The following SORCS3 variants were observed in gnomAD, a reference collection of about 807,000 sequenced individuals.
SORCS3 encodes the protein VPS10 domain-containing receptor SorCS3.
A neutral mutation model predicts 146.3 loss-of-function variants in SORCS3; 57 were observed. The ratio of observed to expected loss-of-function variants is 0.39; its 90% CI spans 0.31 to 0.49. The LOEUF (loss-of-function observed/expected upper bound fraction) is 0.49, where lower values mean the gene tolerates loss of function less well. SORCS3 is among the 20% of genes least tolerant of loss of function. The pLI is 0.92. For synonymous variants in SORCS3, 653 were observed against 618.5 expected, an observed-to-expected ratio of 1.06 and a Z score of -0.83; for missense variants, 1,341 against 1,575.5, an observed-to-expected ratio of 0.85 and a Z score of 2.52.
rs375200678 is a variant in SORCS3, at chr10:105,178,060, A to T, written c.1902-6A>T. The T allele has an allele frequency of 6.2e-7, 1 of 1,608,884 alleles. No homozygotes were observed. Among genetic ancestry groups the T allele is most frequent in the Non-Finnish European group, 8.5e-7 (1 of 1,175,928 alleles). On this transcript the variant is annotated splice_polypyrimidine_tract_variant and splice_region_variant and intron_variant, in intron 13 of 26. Coordinates refer to ENST00000369701, the MANE Select transcript of SORCS3 (RefSeq NM_014978.3). ...TGTCTTTTTTGTGTACTTGTTTCCA[A>T]CACAGGGTGAGTTTTGATGAGGGCC...
chr10:104,850,452 G>A (rs890675470), intron 2 of SORCS3, among the ~76,000 whole-genome samples: 4 of 152,216 alleles, frequency 2.6e-5, no homozygotes, highest in Non-Finnish European at 4.4e-5. Context: ...AGGCATGGCG[G>A]CATGTGCCTG....
intron 2 of SORCS3, among the ~76,000 whole-genome samples, chr10:104,899,596 C>G (rs2018831334): frequency 6.6e-6 from 1 of 152,142 alleles, no homozygotes; most frequent in Non-Finnish European, 1.5e-5. Flanking sequence ...TGTTGATAAC[C>G]CAGAAAATGA....
chr10:104,790,984 T>C (rs747508532), intron 1 of SORCS3, among the ~76,000 whole-genome samples: 1 of 152,232 alleles, frequency 6.6e-6, no homozygotes, highest in Non-Finnish European at 1.5e-5. Flanking sequence ...ACACTTTTTT[T>C]TCTCTCTCTA....
intron 20 of SORCS3, among the ~76,000 whole-genome samples, chr10:105,232,116 A>G (rs751280810): frequency 6.6e-6 from 1 of 152,168 alleles, no homozygotes; most frequent in Non-Finnish European, 1.5e-5. Flanking sequence ...GAAAATTGGC[A>G]TAATTTCTCC....
At position 105,201,581 on chromosome 10, in the gene SORCS3, A is replaced by G. The variant is rs531787149; in HGVS notation, c.2261+328A>G. Among the ~76,000 whole-genome samples the G allele has an allele frequency of 4.6e-5, 7 of 152,306 alleles. No homozygotes were observed. In the South Asian group the frequency reaches 1.4e-3, roughly 32 times the overall value. On this transcript the variant is annotated intron_variant, in intron 16 of 26. Coordinates refer to ENST00000369701, the MANE Select transcript of SORCS3 (RefSeq NM_014978.3). ...GGGCATTGACAGAGGTTAGAGAGCTACTGCCTTGCTGTTGCCTCCAGCCAC... is the reference window on the plus strand; with the variant it reads ...GGGCATTGACAGAGGTTAGAGAGCTGCTGCCTTGCTGTTGCCTCCAGCCAC...
intron 7 of SORCS3, among the ~76,000 whole-genome samples, chr10:105,106,269 G>A (rs1415859104): frequency 6.6e-6 from 1 of 152,144 alleles, no homozygotes; most frequent in Admixed American, 6.5e-5. Context: ...ATTCCCACAG[G>A]AAAGTTGAAC....
intron 4 of SORCS3, among the ~76,000 whole-genome samples, chr10:105,006,100 C>G (rs570143849): frequency 6.6e-6 from 1 of 152,204 alleles, no homozygotes; most frequent in Non-Finnish European, 1.5e-5. Context: ...TGCCATCACA[C>G]CCAGCTAATT....
At chr10:105,082,709 T>G (rs1288460623) in intron 5 of SORCS3, among the ~76,000 whole-genome samples, 1 of 152,180 alleles carries the variant, frequency 6.6e-6, no homozygotes, top group Non-Finnish European at 1.5e-5. Flanking sequence ...TGTGGTAGAA[T>G]TCATGATTGA....
intron 1 of SORCS3, among the ~76,000 whole-genome samples, chr10:104,835,476 G>C (rs1288156728): frequency 6.6e-6 from 1 of 152,120 alleles, no homozygotes; most frequent in Non-Finnish European, 1.5e-5. Flanking sequence ...ATTTTAGGAA[G>C]GTTTAATGAA....
intron 3 of SORCS3, among the ~76,000 whole-genome samples, chr10:104,950,827 A>G (rs1365557412): frequency 6.6e-6 from 1 of 152,232 alleles, no homozygotes; most frequent in Non-Finnish European, 1.5e-5. Context: ...GTTGATTCCT[A>G]TACACAAGAA....
intron 1 of SORCS3, among the ~76,000 whole-genome samples, chr10:104,692,587 C>T (rs1393053007): frequency 6.6e-6 from 1 of 152,170 alleles, no homozygotes; most frequent in East Asian, 1.9e-4. Context: ...TTGTCTTTGT[C>T]CAGCTTACAC....
chr10:105,071,419 T>C (rs1024237303), intron 5 of SORCS3, among the ~76,000 whole-genome samples: 1 of 152,244 alleles, frequency 6.6e-6, no homozygotes, highest in Non-Finnish European at 1.5e-5. Context: ...CCAGGTGGAC[T>C]AAGCATATTG....
chr10:105,041,793 A>T (rs2055340072), intron 4 of SORCS3, among the ~76,000 whole-genome samples: 1 of 152,092 alleles, frequency 6.6e-6, no homozygotes, highest in African/African-American at 2.4e-5. Flanking sequence ...GATATTGGGG[A>T]TGTGATCACA....
intron 4 of SORCS3, among the ~76,000 whole-genome samples, chr10:104,990,530 C>T (rs2054987113): frequency 6.6e-6 from 1 of 152,036 alleles, no homozygotes; most frequent in African/African-American, 2.4e-5. Context: ...TAGGTTTCCA[C>T]CCAGGAATTA....
intron 1 of SORCS3, among the ~76,000 whole-genome samples, chr10:104,746,416 G>A (rs988733841): frequency 1.3e-5 from 2 of 152,220 alleles, no homozygotes; most frequent in Non-Finnish European, 2.9e-5. Flanking sequence ...GATTACAGGC[G>A]TGAGCCACCG....
intron 1 of SORCS3, among the ~76,000 whole-genome samples, chr10:104,765,309 GAAAC>G (rs2017166743): frequency 6.6e-6 from 1 of 152,146 alleles, no homozygotes; most frequent in Non-Finnish European, 1.5e-5. Flanking sequence ...GTCTTTTGTA[GAAAC>G]AAACAAATAC....
intron 20 of SORCS3, among the ~76,000 whole-genome samples, chr10:105,228,825 A>G (rs1000279840): frequency 3.9e-5 from 6 of 152,220 alleles, no homozygotes; most frequent in African/African-American, 1.4e-4. Context: ...TGTGGCATAA[A>G]GAAGATCTTT....
intron 2 of SORCS3, among the ~76,000 whole-genome samples, chr10:104,855,395 T>A (rs962733845): frequency 5.3e-5 from 8 of 152,200 alleles, no homozygotes; most frequent in Admixed American, 6.5e-5. Flanking sequence ...TTGTTAAACC[T>A]ATAAGTGAAT....
chr10:104,756,669 G>T (rs965994845), intron 1 of SORCS3, among the ~76,000 whole-genome samples: 2 of 152,202 alleles, frequency 1.3e-5, no homozygotes, highest in African/African-American at 4.8e-5. Flanking sequence ...ACCTGGAAGA[G>T]CATGCAGAAT....
Sources: gnomAD v4.1 joint callset for allele counts (sites outside exome capture counted in the v4.1 genomes callset) on GRCh38, gnomAD v4.1.1 for gene constraint, MANE v1.5 for transcripts, NCBI Gene and HGNC (gene_info 2026-07-23, HGNC 2026-07-21) for gene names.